The following CHST1 variants were observed in gnomAD, a reference collection of about 807,000 sequenced individuals.
CHST1 encodes the protein Keratan sulfotransferase.
CHST1 carries 10 observed loss-of-function variants against 22.5 expected under a neutral mutation model. The observed-to-expected ratio is 0.44, with a 90% CI of 0.27 to 0.75. The LOEUF (loss-of-function observed/expected upper bound fraction) is 0.75. Among genes scored for constraint, CHST1 ranks in the 30% least tolerant of loss-of-function variants. CHST1 has a pLI of 0.15. For synonymous variants in CHST1, 267 were observed against 264.5 expected, an observed-to-expected ratio of 1.01 and a Z score of -0.09; for missense variants, 439 against 576.1, an observed-to-expected ratio of 0.76 and a Z score of 2.44.
intron 1 of CHST1, among the ~76,000 whole-genome samples, chr11:45,656,596 A>T (rs1219643233): frequency 6.6e-6 from 1 of 152,040 alleles, no homozygotes; most frequent in Non-Finnish European, 1.5e-5. Context: ...GAGCTTTTTG[A>T]TTCAGTTTGA....
chr11:45,650,820 G>C lies in CHST1; in HGVS notation c.104C>G (p.Pro35Arg), dbSNP rs749905203. The C allele has an allele frequency of 1.9e-6, 3 of 1,610,514 alleles. No homozygotes were observed. In the African/African-American group the frequency reaches 4.0e-5, roughly 22 times the overall value. ...TFTAKSFHTC[P>R]GLAEAGLAER... ...GGCCAGCCCGGCCTCTGCCAGCCCG[G>C]GGCAGGTGTGAAAGGACTTGGCGGT... The change falls in exon 4 of 4, where the codon CCC becomes CGC. Residue 35 changes from proline to arginine, a missense_variant. Pro to Arg is a moderately radical substitution (Grantham distance 103). Transcript: ENST00000308064.
Position 45,649,104 on chromosome 11 carries a change from C to G in CHST1, c.*584G>C, listed in dbSNP as rs1001631970. ...CATCACCACAGACTGGAAACAGAAA[C>G]AGGTCCACGTTCACCTCACAGTAAA... On this transcript the variant is annotated 3_prime_UTR_variant, in exon 4 of 4. Coordinates refer to ENST00000308064, the MANE Select transcript of CHST1 (RefSeq NM_003654.6). 1 of 152,558 alleles carries G rather than the reference C, an allele frequency of 6.6e-6. No homozygotes were observed. The highest frequency in any genetic ancestry group is 1.5e-5 in the Non-Finnish European group (1 of 68,210). The allele number at this position is 152,558 out of a possible 1,614,324, so 9.5% of individuals were successfully genotyped here.
At chr11:45,658,021 C>T (rs1852084018) in intron 1 of CHST1, among the ~76,000 whole-genome samples, 1 of 152,210 alleles carries the variant, frequency 6.6e-6, no homozygotes, top group South Asian at 2.1e-4. Flanking sequence ...GCTCTGGTGT[C>T]TCCAGGGCAG....
intron 1 of CHST1, among the ~76,000 whole-genome samples, chr11:45,663,662 G>T (rs1415100650): frequency 2.6e-5 from 4 of 151,936 alleles, no homozygotes; most frequent in Non-Finnish European, 5.9e-5. Context: ...TCTCCCTGGT[G>T]CCCCTCCCCT....
intron 1 of CHST1, among the ~76,000 whole-genome samples, chr11:45,658,547 C>T (rs1426987127): frequency 1.3e-5 from 2 of 152,122 alleles, no homozygotes; most frequent in African/African-American, 4.8e-5. Context: ...CACATCCTGC[C>T]GTGGAGGGTG....
In CHST1 at chr11:45,649,640, A is replaced by C; in HGVS notation, c.*48T>G. Reference sequence around the variant, plus strand: ...GCAACAGTTAAAAACGGTCCATTTTATCAAAACCGACACCTTGCGCCTCCC... The same window carrying C: ...GCAACAGTTAAAAACGGTCCATTTTCTCAAAACCGACACCTTGCGCCTCCC... On this transcript the variant is annotated 3_prime_UTR_variant, in exon 4 of 4. Transcript: ENST00000308064. 6.7e-7 allele frequency: 1 copy of C among 1,501,398 alleles called. No individual in the cohort carries two copies. The highest frequency in any genetic ancestry group is 1.4e-5 in the African/African-American group (1 of 71,730). The allele number at this position is 1,501,398 out of a possible 1,614,324, so 93.0% of individuals were successfully genotyped here.
At position 45,650,246 on chromosome 11, in the gene CHST1, G is replaced by T; in HGVS notation, c.678C>A (p.Asn226Lys). 2 of 1,608,360 alleles carry T rather than the reference G, an allele frequency of 1.2e-6. No individual in the cohort carries two copies. The highest frequency in any genetic ancestry group is 1.7e-6 in the Non-Finnish European group (2 of 1,179,602). ...CTCGGACCAGCTGGATGACCTTGAG[G>T]TTTAATCGCGGGTCTTCCACCAGGG... ...LRALVEDPRL[N>K]LKVIQLVRDP... The change falls in exon 4 of 4, where the codon AAC becomes AAA. Residue 226 changes from asparagine to lysine, a missense_variant. By Grantham distance (94) the Asn-to-Lys change is moderately conservative. Transcript: ENST00000308064.
chr11:45,661,361 G>C (rs1228807584), intron 1 of CHST1, among the ~76,000 whole-genome samples: 5 of 152,188 alleles, frequency 3.3e-5, no homozygotes, highest in African/African-American at 1.2e-4. Context: ...CCTGAGAGAG[G>C]GAGTAAACAG....
chr11:45,656,165 C>T (rs918767837), intron 1 of CHST1, among the ~76,000 whole-genome samples: 13 of 152,340 alleles, frequency 8.5e-5, no homozygotes, highest in African/African-American at 2.9e-4. Flanking sequence ...TTTCGAACCA[C>T]AATCCCTCCC....
At chr11:45,660,278 G>A (rs376982363) in intron 1 of CHST1, among the ~76,000 whole-genome samples, 3 of 152,192 alleles carry the variant, frequency 2.0e-5, no homozygotes, top group African/African-American at 4.8e-5. Flanking sequence ...GGAAGAGAAC[G>A]AACGGATTTC....
intron 3 of CHST1, 40 bp from the exon 4 acceptor site, chr11:45,651,005 C>A: frequency 2.1e-6 from 3 of 1,419,588 alleles, no homozygotes; most frequent in Non-Finnish European, 2.8e-6. Context: ...GCCTCCACGG[C>A]GGGGGCACTG....
chr11:45,659,638 G>T (rs1852104867), intron 1 of CHST1, among the ~76,000 whole-genome samples: 1 of 152,132 alleles, frequency 6.6e-6, no homozygotes, highest in African/African-American at 2.4e-5. Flanking sequence ...ATCCCAAGTG[G>T]GTGTGGACAT....
At position 45,650,223 on chromosome 11, in the gene CHST1, C is replaced by T. The variant is rs752781504; in HGVS notation, c.701G>A (p.Arg234Gln). ...CGAAGCCAGAATGCCGCGGGGGTCTCGGACCAGCTGGATGACCTTGAGGTT... is the reference window on the plus strand; with the variant it reads ...CGAAGCCAGAATGCCGCGGGGGTCTTGGACCAGCTGGATGACCTTGAGGTT... ...RLNLKVIQLV[R>Q]DPRGILASRS... Residue 234 changes from arginine (R) to glutamine (Q), a missense_variant, in exon 4 of 4, where the codon CGA becomes CAA. By Grantham distance (43) the Arg-to-Gln change is conservative. Coordinates refer to ENST00000308064, the MANE Select transcript of CHST1 (RefSeq NM_003654.6). The T allele has an allele frequency of 1.2e-6, 2 of 1,609,924 alleles. No individual in the cohort carries two copies. Among genetic ancestry groups the T allele is most frequent in the Non-Finnish European group, 1.7e-6 (2 of 1,179,912 alleles).
chr11:45,651,142 C>T, intron 3 of CHST1, 177 bp from the exon 4 acceptor site: 1 of 442,542 alleles, frequency 2.3e-6, no homozygotes, highest in Non-Finnish European at 3.9e-6. Flanking sequence ...TGGGGGACTC[C>T]TGGGAGCTTT....
rs551084528 is a variant in CHST1, at chr11:45,660,962, T to C, written c.-227+4216A>G. Among the ~76,000 whole-genome samples, 77 of 152,328 alleles carry C rather than the reference T, an allele frequency of 5.1e-4. 1 individual carries two copies. In the Middle Eastern group the frequency reaches 0.017, roughly 34 times the overall value. On this transcript the variant is annotated intron_variant, in intron 1 of 3. Transcript: ENST00000308064. ...GGAGCAAACACAAAGAGGGAATCTC[T>C]AAACATTTAGAAAACGCGGGAACCC...
intron 1 of CHST1, among the ~76,000 whole-genome samples, chr11:45,659,228 C>T (rs558635461): frequency 5.3e-5 from 8 of 152,154 alleles, no homozygotes; most frequent in Non-Finnish European, 1.0e-4. Context: ...TGTTCAAGCA[C>T]GCACAGCTAG....
rs754578986 is a variant in CHST1, at chr11:45,649,692, G to C, written c.1232C>G (p.Ser411Trp). The C allele has an allele frequency of 1.5e-5, 23 of 1,562,754 alleles. No homozygotes were observed. In the African/African-American group the frequency reaches 2.4e-4, roughly 17 times the overall value. Reference protein sequence around the residue: ...LVEERDFRPFS With the variant: ...LVEERDFRPFW Reference sequence around the variant, plus strand: ...CCCCCACCCGCACCGCCCGGGTCACGAGAAGGGGCGGAAGTCCCGCTCCTC... The same window carrying C: ...CCCCCACCCGCACCGCCCGGGTCACCAGAAGGGGCGGAAGTCCCGCTCCTC... Residue 411 changes from serine to tryptophan, a missense_variant, in exon 4 of 4, where the codon TCG (serine) becomes TGG (tryptophan). Transcript: ENST00000308064.
At chr11:45,654,455 G>A (rs1852036127) in intron 1 of CHST1, among the ~76,000 whole-genome samples, 1 of 152,264 alleles carries the variant, frequency 6.6e-6, no homozygotes, top group Admixed American at 6.5e-5. Context: ...AGCCCTCCTG[G>A]AAATGTCCCC....
chr11:45,663,066 C>T (rs1374726454), intron 1 of CHST1, among the ~76,000 whole-genome samples: 3 of 152,192 alleles, frequency 2.0e-5, no homozygotes, highest in Admixed American at 2.0e-4. Flanking sequence ...GGCTTCGGGA[C>T]CTTCTCTGAA....
Sources: allele counts gnomAD v4.1 joint callset (sites outside exome capture counted in the v4.1 genomes callset), GRCh38; gene constraint gnomAD v4.1.1; transcripts MANE v1.5; gene names NCBI Gene and HGNC (gene_info 2026-07-23, HGNC 2026-07-21).